RAB36: variants seen among roughly 807,000 people sequenced by gnomAD.
RAB36 encodes ras-related protein Rab-36.
Under a neutral mutation model 39.3 loss-of-function variants are expected in RAB36, and 33 were observed. The observed-to-expected ratio is 0.84, with a 90% CI of 0.64 to 1.12. The LOEUF is 1.12. RAB36 is among the 50% of genes most tolerant of loss of function. RAB36 has a pLI of 0.00. For missense variants in RAB36, 308 were observed against 355.3 expected (o/e 0.87, Z 1.07); for synonymous variants, 133 against 140.2 (o/e 0.95, Z 0.36).
chr22:23,150,418 C>T (rs1475815507), intron 3 of RAB36, among the ~76,000 whole-genome samples: 1 of 151,668 alleles, frequency 6.6e-6, no homozygotes, highest in Non-Finnish European at 1.5e-5. Context: ...TCTCCTGCCT[C>T]AGCCTCCCGA....
At chr22:23,151,483 T>C (rs2146518134) in intron 3 of RAB36, among the ~76,000 whole-genome samples, 1 of 152,302 alleles carries the variant, frequency 6.6e-6, no homozygotes, top group Middle Eastern at 3.4e-3. Flanking sequence ...AGTGGTGCCC[T>C]CTTGCTGTCT....
Position 23,145,600 on chromosome 22 carries a change from G to A in RAB36, c.-13+49G>A, listed in dbSNP as rs765784196. 8 of 1,558,548 alleles carry A rather than the reference G, an allele frequency of 5.1e-6. No homozygotes were observed. The East Asian group carries it at 1.8e-4, about 36-fold the overall frequency. On this transcript the variant is annotated intron_variant, in intron 1 of 10. Transcript: ENST00000263116. ...CCGACCCTCCCGGTCACCCAACCCC[G>A]TGCTGGCACATCCCGAGGCCAGGGC...
At chr22:23,148,975 C>T (rs1290300718) in intron 2 of RAB36, among the ~76,000 whole-genome samples, 1 of 152,192 alleles carries the variant, frequency 6.6e-6, no homozygotes, top group African/African-American at 2.4e-5. Flanking sequence ...ATGAGCATCC[C>T]TGTTTAATAT....
chr22:23,160,287 T>C (rs1402200071), intron 9 of RAB36, among the ~76,000 whole-genome samples: 1 of 152,106 alleles, frequency 6.6e-6, no homozygotes, highest in African/African-American at 2.4e-5. Flanking sequence ...AGAGTAACAG[T>C]GAGTTCACCG....
chr22:23,156,043 T>G lies in RAB36; in HGVS notation c.394+11T>G, dbSNP rs748351210. On this transcript the variant is annotated intron_variant, in intron 6 of 10. Transcript: ENST00000263116. The stretch of plus-strand genomic sequence containing the variant: ...ACCGGGGTGCCCAGGGTGAGCAACA[T>G]GCCACGTCGGGGCTCAACTGCATGC... The G allele has an allele frequency of 1.9e-6, 3 of 1,609,412 alleles. No individual in the cohort carries two copies. The East Asian group carries it at 6.7e-5, about 36-fold the overall frequency.
chr22:23,167,592 C>T (rs1242046077), downstream of RAB36, among the ~76,000 whole-genome samples: 1 of 152,238 alleles, frequency 6.6e-6, no homozygotes, highest in African/African-American at 2.4e-5. Flanking sequence ...GGATGCAGGG[C>T]ATCTTAACCC....
intron 3 of RAB36, among the ~76,000 whole-genome samples, chr22:23,150,367 T>G (rs2071047553): frequency 6.7e-6 from 1 of 150,062 alleles, no homozygotes; most frequent in South Asian, 2.1e-4. Flanking sequence ...AGTGGTGCGA[T>G]CTCAGCTCAC....
At chr22:23,152,611 C>A in intron 4 of RAB36, 85 bp downstream of exon 4, 1 of 1,310,472 alleles carries the variant, frequency 7.6e-7, no homozygotes, top group Non-Finnish European at 1.1e-6. Context: ...ATAATATCAA[C>A]ATAGCAGAAA....
At chr22:23,166,556 G>A (rs2072055248), downstream of RAB36, among the ~76,000 whole-genome samples, 1 of 152,062 alleles carries the variant, frequency 6.6e-6, no homozygotes, top group Admixed American at 6.5e-5. Flanking sequence ...CTCCAGCTGG[G>A]TCAGGTTGCC....
chr22:23,150,019 A>G, intron 2 of RAB36, 44 bp from the exon 3 acceptor site: 1 of 1,489,890 alleles, frequency 6.7e-7, no homozygotes, highest in Non-Finnish European at 9.2e-7. Flanking sequence ...GGGCGGAGCC[A>G]CAGCTTTGCA....
At chr22:23,161,075 T>G in intron 10 of RAB36, 77 bp downstream of exon 10, 1 of 1,505,564 alleles carries the variant, frequency 6.6e-7, no homozygotes, top group Non-Finnish European at 9.0e-7. Flanking sequence ...CCTCGTCACC[T>G]GAGGCCTTGC....
At chr22:23,155,889 G>C (rs2071419334) in intron 5 of RAB36, 79 bp from the exon 6 acceptor site, 3 of 1,348,186 alleles carry the variant, frequency 2.2e-6, no homozygotes, top group South Asian at 2.8e-5. Context: ...CCCACCCATG[G>C]TCCCGTAGCC....
intron 9 of RAB36, among the ~76,000 whole-genome samples, chr22:23,160,079 A>AT (rs1240256190): frequency 6.6e-6 from 1 of 152,024 alleles, no homozygotes; most frequent in African/African-American, 2.4e-5. Context: ...GGCTCTGGGG[A>AT]CTCAGGAATT....
At chr22:23,146,474 A>T (rs1023116011) in intron 1 of RAB36, 131 bp from the exon 2 acceptor site, 2 of 1,376,108 alleles carry the variant, frequency 1.5e-6, no homozygotes, top group Non-Finnish European at 9.5e-7. Context: ...GGCCTCCCAA[A>T]GTGCTGGGAT....
At chr22:23,150,878 C>T (rs1447166378) in intron 3 of RAB36, among the ~76,000 whole-genome samples, 1 of 152,218 alleles carries the variant, frequency 6.6e-6, no homozygotes, top group Non-Finnish European at 1.5e-5. Context: ...CCCCCAAGAA[C>T]TTATCTCACA....
intron 3 of RAB36, among the ~76,000 whole-genome samples, chr22:23,150,612 G>A (rs923449007): frequency 6.6e-6 from 1 of 152,064 alleles, no homozygotes; most frequent in Non-Finnish European, 1.5e-5. Flanking sequence ...GATGACTGGG[G>A]TTTTCATCTG....
At chr22:23,149,457 C>T (rs2249692) in intron 2 of RAB36, among the ~76,000 whole-genome samples, 36,213 of 152,112 alleles carry the variant, frequency 0.24, 4,711 homozygotes, top group East Asian at 0.35. Flanking sequence ...TTCCAAGAAA[C>T]GTGGACAGCA....
downstream of RAB36, among the ~76,000 whole-genome samples, chr22:23,167,692 CTCTT>C (rs1422717020): frequency 6.6e-6 from 1 of 151,736 alleles, no homozygotes; most frequent in Non-Finnish European, 1.5e-5. Flanking sequence ...CATTCATTAA[CTCTT>C]TTTTTAATTA....
In RAB36 at chr22:23,163,293, G is replaced by A. The variant is rs142317698; in HGVS notation, c.*1729G>A. ...CACCCAGGCTGGCGTGCAATGGCACGATCTTGGCTCACTGCAAGCTTCCCC... is the reference window on the plus strand; with the variant it reads ...CACCCAGGCTGGCGTGCAATGGCACAATCTTGGCTCACTGCAAGCTTCCCC... On this transcript the variant is annotated 3_prime_UTR_variant, in exon 11 of 11. Transcript: ENST00000263116. 2.6e-3 allele frequency: 399 copies of A among 154,468 alleles called. 1 individual carries two copies. Among genetic ancestry groups the A allele is most frequent in the East Asian group, 0.025 (129 of 5,166 alleles). 9.6% of individuals were successfully genotyped at this position (154,468 alleles called of 1,614,324 possible).
Sources: allele counts gnomAD v4.1 joint callset (sites outside exome capture counted in the v4.1 genomes callset), GRCh38; gene constraint gnomAD v4.1.1; transcripts MANE v1.5; gene names NCBI Gene and HGNC (gene_info 2026-07-23, HGNC 2026-07-21).